CSMD3: variants seen among roughly 807,000 people sequenced by gnomAD.
The protein encoded by CSMD3 is CUB and Sushi multiple domains 3.
Under a neutral mutation model 435.2 loss-of-function variants are expected in CSMD3, and 177 were observed. The ratio of observed to expected loss-of-function variants is 0.41; its 90% CI spans 0.36 to 0.46. CSMD3 has a LOEUF of 0.46. CSMD3 is among the 20% of genes least tolerant of loss of function. CSMD3 has a pLI of 0.34. For synonymous variants in CSMD3, 1,656 were observed against 1,520.5 expected, an observed-to-expected ratio of 1.09 and a Z score of -2.07; for missense variants, 4,265 against 4,504.6, an observed-to-expected ratio of 0.95 and a Z score of 1.52.
chr8:113,413,907 A>G (rs1286401622), intron 1 of CSMD3, among the ~76,000 whole-genome samples: 1 of 152,192 alleles, frequency 6.6e-6, no homozygotes, highest in Non-Finnish European at 1.5e-5. Flanking sequence ...GTTATTTGGA[A>G]ACTGAATGTT....
In CSMD3 at chr8:112,337,450, T is replaced by C. The variant is rs548957477; in HGVS notation, c.6841+93A>G. 8.4e-4 allele frequency: 777 copies of C among 924,570 alleles called. 7 individuals carry two copies. The South Asian group carries it at 9.8e-3, about 12-fold the overall frequency. 57.3% of individuals were successfully genotyped at this position (924,570 alleles called of 1,614,324 possible). ...CAGCTGAGAGACTATATATTTAGCA[T>C]GCTATTGGAAGAGGAAGACAAGTAA... On this transcript the variant is annotated intron_variant, in intron 43 of 70. Transcript: ENST00000297405.
intron 1 of CSMD3, among the ~76,000 whole-genome samples, chr8:113,325,810 C>A (rs529576483): frequency 2.0e-5 from 3 of 152,108 alleles, no homozygotes; most frequent in Non-Finnish European, 4.4e-5. Flanking sequence ...TGTCATAATT[C>A]CAATGTAGAT....
chr8:113,187,245 G>A (rs2092519568), intron 3 of CSMD3, among the ~76,000 whole-genome samples: 1 of 150,588 alleles, frequency 6.6e-6, no homozygotes, highest in Non-Finnish European at 1.5e-5. Context: ...TCTTGGTCAT[G>A]TGATGCGAAT....
At chr8:112,939,515 C>G (rs571313991) in intron 9 of CSMD3, among the ~76,000 whole-genome samples, 10 of 151,970 alleles carry the variant, frequency 6.6e-5, no homozygotes, top group Non-Finnish European at 1.5e-4. Flanking sequence ...TAAATAACTT[C>G]CCCAAGTCAA....
At chr8:113,328,066 AACAC>A (rs1039337521) in intron 1 of CSMD3, among the ~76,000 whole-genome samples, 1 of 151,422 alleles carries the variant, frequency 6.6e-6, no homozygotes, top group African/African-American at 2.4e-5. Flanking sequence ...GTTGTGCCCA[AACAC>A]ACACACAGAC....
chr8:112,670,664 T>C (rs2075635346), intron 16 of CSMD3, among the ~76,000 whole-genome samples: 1 of 152,100 alleles, frequency 6.6e-6, no homozygotes, highest in African/African-American at 2.4e-5. Flanking sequence ...CCTTGAGCCC[T>C]TGGCATGTGC....
At chr8:113,423,422 C>T (rs2129973071) in intron 1 of CSMD3, among the ~76,000 whole-genome samples, 1 of 152,082 alleles carries the variant, frequency 6.6e-6, no homozygotes, top group African/African-American at 2.4e-5. Context: ...GCATTTTAGG[C>T]AAGCAGTCCA....
At chr8:112,700,756 C>T (rs2131875082) in intron 13 of CSMD3, among the ~76,000 whole-genome samples, 1 of 152,134 alleles carries the variant, frequency 6.6e-6, no homozygotes, top group South Asian at 2.1e-4. Flanking sequence ...AGCTCCAGTA[C>T]CCAGATTTGA....
chr8:113,070,052 T>C (rs1161109353), intron 5 of CSMD3, among the ~76,000 whole-genome samples: 9 of 152,148 alleles, frequency 5.9e-5, no homozygotes, highest in South Asian at 2.1e-4. Context: ...GACTGACTGA[T>C]GCATGATGAT....
chr8:112,971,951 C>T (rs2084673123), intron 7 of CSMD3, among the ~76,000 whole-genome samples: 1 of 151,840 alleles, frequency 6.6e-6, no homozygotes, highest in Admixed American at 6.6e-5. Flanking sequence ...TTGAAAATAT[C>T]TTTGAGAAAT....
intron 14 of CSMD3, among the ~76,000 whole-genome samples, chr8:112,688,743 A>G (rs1188396112): frequency 6.6e-6 from 1 of 152,036 alleles, no homozygotes; most frequent in Non-Finnish European, 1.5e-5. Flanking sequence ...AAACATTATT[A>G]ATCGCTACAT....
At chr8:112,854,730 A>G (rs2080596546) in intron 11 of CSMD3, among the ~76,000 whole-genome samples, 1 of 152,208 alleles carries the variant, frequency 6.6e-6, no homozygotes, top group Non-Finnish European at 1.5e-5. Context: ...TAAAGTACAG[A>G]ATCTTAAAAC....
In CSMD3 at chr8:112,305,423, G is replaced by A. The variant is rs548312126; in HGVS notation, c.8072-508C>T. Among the ~76,000 whole-genome samples, 6 of 151,948 alleles carry A rather than the reference G, an allele frequency of 3.9e-5. No individual in the cohort carries two copies. In the South Asian group the frequency reaches 1.0e-3, roughly 26 times the overall value. Reference sequence around the variant, plus strand: ...TAGTACTAAATGGGAAAAAATAATCGAAATATAGAGAAAATTCAAGAGTTT... The same window carrying A: ...TAGTACTAAATGGGAAAAAATAATCAAAATATAGAGAAAATTCAAGAGTTT... On this transcript the variant is annotated intron_variant, in intron 51 of 70. Coordinates refer to ENST00000297405, the MANE Select transcript of CSMD3 (RefSeq NM_198123.2).
At chr8:113,429,237 CTTAT>C (rs910815592) in intron 1 of CSMD3, among the ~76,000 whole-genome samples, 25 of 137,408 alleles carry the variant, frequency 1.8e-4, no homozygotes, top group East Asian at 5.1e-4. Flanking sequence ...GAATAATTGT[CTTAT>C]ATATATATAT....
chr8:112,356,287 T>TCATTAAATAATATGCAGC (rs913082264), intron 38 of CSMD3, among the ~76,000 whole-genome samples: 1 of 152,022 alleles, frequency 6.6e-6, no homozygotes, highest in East Asian at 1.9e-4. Context: ...TAGGTGCCCA[T>TCATTAAATAATATGCAGC]CATTAAATAA....
At chr8:113,209,796 A>G (rs911279525) in intron 3 of CSMD3, among the ~76,000 whole-genome samples, 6 of 152,092 alleles carry the variant, frequency 3.9e-5, no homozygotes, top group African/African-American at 1.4e-4. Context: ...TATTTAAGAA[A>G]ATGCAATTTT....
At chr8:112,823,257 C>T (rs1255207114) in intron 12 of CSMD3, among the ~76,000 whole-genome samples, 1 of 152,186 alleles carries the variant, frequency 6.6e-6, no homozygotes, top group Non-Finnish European at 1.5e-5. Flanking sequence ...GTGAATCCAT[C>T]TGGTCCTGGG....
In CSMD3 at chr8:112,341,666, T is replaced by G. The variant is rs1293076690; in HGVS notation, c.6463A>C (p.Asn2155His). ...IGFGVHLQFV[N>H]FSTETIHDYL... ...TCATGTATGGTTTCTGTAGAAAAAT[T>G]TACAAACTGGAGATGTACACCTGAA... The change falls in exon 42 of 71, where the codon AAT (asparagine) becomes CAT (histidine). Residue 2155 changes from asparagine (N) to histidine (H), a missense_variant. Physicochemically the swap from Asn to His is moderately conservative, Grantham distance 68. Transcript: ENST00000297405. 1 of 1,608,998 alleles carries G rather than the reference T, an allele frequency of 6.2e-7. No individual in the cohort carries two copies.
At chr8:112,292,412 A>C in intron 55 of CSMD3, 125 bp downstream of exon 55, 2 of 859,146 alleles carry the variant, frequency 2.3e-6, no homozygotes, top group South Asian at 2.9e-5. Context: ...CATCAGTATT[A>C]AAGCTTTTTG....
Sources: allele counts gnomAD v4.1 joint callset (sites outside exome capture counted in the v4.1 genomes callset), GRCh38; gene constraint gnomAD v4.1.1; transcripts MANE v1.5; gene names NCBI Gene and HGNC (gene_info 2026-07-23, HGNC 2026-07-21).